The following METTL15 variants were observed in gnomAD, a reference collection of about 807,000 sequenced individuals.
METTL15 encodes the protein 12S rRNA N(4)-cytidine methyltransferase METTL15.
METTL15 carries 34 observed loss-of-function variants against 38.3 expected under a neutral mutation model. That is an observed-to-expected ratio of 0.89 (90% confidence interval 0.68 to 1.18). The LOEUF is 1.18. Among genes scored for constraint, METTL15 ranks in the 50% most tolerant of loss-of-function variants. The pLI is 0.00. For synonymous variants in METTL15, 162 were observed against 170.9 expected (o/e 0.95, Z 0.41); for missense variants, 438 against 498.4 (o/e 0.88, Z 1.15).
At chr11:28,365,156 C>G (rs1269593963) in intron 5 of METTL15, among the ~76,000 whole-genome samples, 1 of 152,108 alleles carries the variant, frequency 6.6e-6, no homozygotes, top group African/African-American at 2.4e-5. Flanking sequence ...CATTGTGTCT[C>G]TGCCATGTTG....
At chr11:28,242,405 G>A (rs1457698310) in intron 4 of METTL15, among the ~76,000 whole-genome samples, 2 of 152,102 alleles carry the variant, frequency 1.3e-5, no homozygotes, top group Admixed American at 1.3e-4. Context: ...TGGTTAGTAT[G>A]CAAAAATTAT....
exon 5 of METTL15, chr11:28,362,009 C>G (rs1374002420): frequency 6.6e-6 from 1 of 152,124 alleles, no homozygotes; most frequent in Non-Finnish European, 1.5e-5. Flanking sequence ...ACCCAAACAA[C>G]GTGGATGGCC....
intron 3 of METTL15, among the ~76,000 whole-genome samples, chr11:28,340,254 C>T (rs1305491350): frequency 6.6e-6 from 1 of 151,842 alleles, no homozygotes; most frequent in Non-Finnish European, 1.5e-5. Context: ...TTGAGCAATC[C>T]ATTACTCTCT....
intron 6 of METTL15, chr11:28,517,155 T>C (rs750360598): frequency 2.6e-5 from 4 of 152,106 alleles, no homozygotes; most frequent in African/African-American, 9.7e-5. Context: ...AGGAGAAGCA[T>C]GAAAAATGCT....
At chr11:28,148,485 T>C (rs1849966279) in intron 3 of METTL15, among the ~76,000 whole-genome samples, 1 of 151,912 alleles carries the variant, frequency 6.6e-6, no homozygotes, top group Non-Finnish European at 1.5e-5. Context: ...AAATCTGGAC[T>C]CAACTTATTT....
chr11:28,238,221 G>C (rs1854108373), intron 4 of METTL15, among the ~76,000 whole-genome samples: 1 of 152,210 alleles, frequency 6.6e-6, no homozygotes, highest in African/African-American at 2.4e-5. Flanking sequence ...GGAGCCTACA[G>C]AGGCAGGCAG....
chr11:28,221,690 A>G (rs896056080), intron 4 of METTL15, among the ~76,000 whole-genome samples: 1 of 151,660 alleles, frequency 6.6e-6, no homozygotes, highest in Non-Finnish European at 1.5e-5. Context: ...GGTTTTATCT[A>G]CCTTTCGTCT....
At position 28,458,525 on chromosome 11, in the gene METTL15, T is replaced by A. The variant is rs553016734; in HGVS notation, c.*424+34161T>A. Among the ~76,000 whole-genome samples the A allele has an allele frequency of 5.3e-5, 8 of 152,250 alleles. No individual in the cohort carries two copies. The East Asian group carries it at 1.6e-3, about 30-fold the overall frequency. On this transcript the variant is annotated intron_variant and NMD_transcript_variant, in intron 6 of 7. Coordinates refer to the METTL15 transcript ENST00000532947. The stretch of plus-strand genomic sequence containing the variant: ...TTAACACCACTGCTCTGAGAGATAA[T>A]AATGCACCTCTTTCAAGTCAAAATT...
chr11:28,214,858 C>T (rs531982837), intron 4 of METTL15, among the ~76,000 whole-genome samples: 2 of 152,252 alleles, frequency 1.3e-5, no homozygotes, highest in Admixed American at 1.3e-4. Flanking sequence ...AAATTTAAAA[C>T]TCTATTCAGA....
chr11:28,257,462 C>G (rs896791874), intron 4 of METTL15, among the ~76,000 whole-genome samples: 36 of 152,166 alleles, frequency 2.4e-4, no homozygotes, highest in Non-Finnish European at 1.5e-4. Flanking sequence ...GTTATTATCC[C>G]TCTGAATAAA....
intron 4 of METTL15, among the ~76,000 whole-genome samples, chr11:28,259,673 G>A (rs557839439): frequency 1.3e-5 from 2 of 152,224 alleles, no homozygotes; most frequent in South Asian, 4.2e-4. Flanking sequence ...CATAAATGCT[G>A]CACTTTCTTT....
intron 6 of METTL15, among the ~76,000 whole-genome samples, chr11:28,440,304 T>C (rs940230384): frequency 6.6e-6 from 1 of 152,170 alleles, no homozygotes; most frequent in African/African-American, 2.4e-5. Context: ...ATCATGACTT[T>C]GAATATTATT....
intron 2 of METTL15, among the ~76,000 whole-genome samples, chr11:28,111,216 A>G (rs989789375): frequency 2.0e-5 from 3 of 152,244 alleles, no homozygotes; most frequent in African/African-American, 4.8e-5. Flanking sequence ...GAATAAACAC[A>G]TAGAGACTGA....
In METTL15 at chr11:28,290,306, C is replaced by T; in HGVS notation, c.508C>T (p.Leu170Phe). 1 of 1,613,526 alleles carries T rather than the reference C, an allele frequency of 6.2e-7. No homozygotes were observed. The highest frequency in any genetic ancestry group is 8.5e-7 in the Non-Finnish European group (1 of 1,179,676). Residue 170 changes from leucine to phenylalanine, a missense_variant, in exon 5 of 7, where the codon CTT (leucine) becomes TTT (phenylalanine). Physicochemically the swap from Leu to Phe is conservative, Grantham distance 22. Transcript: ENST00000407364. The stretch of plus-strand genomic sequence containing the variant: ...AACTTTTGATGGAGTTCTTATGGAT[C>T]TTGGGTGTTCCTCCATGCAACTTGA... ...PGTFDGVLMD[L>F]GCSSMQLDTP... is the part of the protein sequence containing the mutation.
chr11:28,320,433 A>G (rs1849426293), intron 6 of METTL15, among the ~76,000 whole-genome samples: 1 of 151,934 alleles, frequency 6.6e-6, no homozygotes, highest in African/African-American at 2.4e-5. Context: ...GGTGGTGCTC[A>G]CCTATAGTCC....
intron 6 of METTL15, among the ~76,000 whole-genome samples, chr11:28,321,961 T>C (rs1372904344): frequency 2.0e-5 from 3 of 151,986 alleles, no homozygotes; most frequent in Admixed American, 6.6e-5. Flanking sequence ...ACGAAAAGAA[T>C]GTACTGTTTA....
intron 6 of METTL15, among the ~76,000 whole-genome samples, chr11:28,429,331 C>A (rs1252160732): frequency 2.9e-4 from 44 of 149,712 alleles, no homozygotes; most frequent in Non-Finnish European, 1.5e-4. Flanking sequence ...TCTTATAAAA[C>A]CTTAAAGAGT....
At chr11:28,514,163 C>T (rs963240447) in intron 6 of METTL15, among the ~76,000 whole-genome samples, 1 of 152,210 alleles carries the variant, frequency 6.6e-6, no homozygotes, top group South Asian at 2.1e-4. Context: ...AAAAGCCAAT[C>T]AGCATTCTTT....
At position 28,477,402 on chromosome 11, in the gene METTL15, C is replaced by G. The variant is rs942770485; in HGVS notation, c.*425-49076C>G. On this transcript the variant is annotated intron_variant and NMD_transcript_variant, in intron 6 of 7. Transcript: ENST00000532947. ...TTTGCCATGTTGGCTAGGCTAGTTT[C>G]GAACCCCTGACTTCAGGTTATCCAC... 8 of 151,990 alleles carry G rather than the reference C, an allele frequency of 5.3e-5. No homozygotes were observed. In the East Asian group the frequency reaches 1.5e-3, roughly 29 times the overall value. 9.4% of individuals were successfully genotyped at this position (151,990 alleles called of 1,614,324 possible).
Sources: allele counts gnomAD v4.1 joint callset (sites outside exome capture counted in the v4.1 genomes callset), GRCh38; gene constraint gnomAD v4.1.1; transcripts MANE v1.5; gene names NCBI Gene and HGNC (gene_info 2026-07-23, HGNC 2026-07-21).